Variants in ADCY2 observed in about 807,000 individuals in gnomAD.
ADCY2 encodes adenylate cyclase type 2.
A neutral mutation model predicts 125.2 loss-of-function variants in ADCY2; 31 were observed. The ratio of observed to expected loss-of-function variants is 0.25; its 90% CI spans 0.19 to 0.33. ADCY2 has a LOEUF of 0.33. ADCY2 is among the 10% of genes least tolerant of loss of function. The pLI is 1.00. For missense variants in ADCY2, 904 were observed against 1,418.2 expected (o/e 0.64, Z 5.82); for synonymous variants, 512 against 548.4 (o/e 0.93, Z 0.93).
chr5:7,430,287 G>A (rs1020016752), intron 2 of ADCY2, among the ~76,000 whole-genome samples: 9 of 151,838 alleles, frequency 5.9e-5, no homozygotes, highest in African/African-American at 2.2e-4. Context: ...TAAAGAATAA[G>A]TAATCTCAAT....
chr5:7,488,078 C>T (rs758433252), intron 2 of ADCY2, among the ~76,000 whole-genome samples: 3 of 152,046 alleles, frequency 2.0e-5, no homozygotes, highest in Non-Finnish European at 2.9e-5. Flanking sequence ...TGGCTGTGTC[C>T]CCACCCAAAT....
chr5:7,510,315 G>A (rs1744006942), intron 2 of ADCY2, among the ~76,000 whole-genome samples: 1 of 152,150 alleles, frequency 6.6e-6, no homozygotes, highest in South Asian at 2.1e-4. Flanking sequence ...GAACTGCATG[G>A]CAGAGCTGAA....
At chr5:7,612,068 A>C (rs1235189640) in intron 3 of ADCY2, among the ~76,000 whole-genome samples, 1 of 152,192 alleles carries the variant, frequency 6.6e-6, no homozygotes, top group Non-Finnish European at 1.5e-5. Flanking sequence ...CTCTTAATCG[A>C]ACGTTTTCTT....
intron 13 of ADCY2, among the ~76,000 whole-genome samples, chr5:7,726,607 C>T (rs1012533169): frequency 2.0e-5 from 3 of 152,130 alleles, no homozygotes; most frequent in African/African-American, 7.2e-5. Context: ...GAAGGGGATC[C>T]CATTGGCTAG....
At chr5:7,583,467 A>G (rs1189351467) in intron 3 of ADCY2, among the ~76,000 whole-genome samples, 1 of 152,086 alleles carries the variant, frequency 6.6e-6, no homozygotes, top group Non-Finnish European at 1.5e-5. Flanking sequence ...TAGCATAAGG[A>G]TCCACCAATA....
At chr5:7,599,989 C>A (rs1463613076) in intron 3 of ADCY2, among the ~76,000 whole-genome samples, 1 of 152,112 alleles carries the variant, frequency 6.6e-6, no homozygotes, top group African/African-American at 2.4e-5. Context: ...GGAGCATAGA[C>A]CACATTATCA....
chr5:7,466,579 A>G (rs1156408235), intron 2 of ADCY2, among the ~76,000 whole-genome samples: 1 of 152,128 alleles, frequency 6.6e-6, no homozygotes, highest in East Asian at 1.9e-4. Context: ...GTGCTATCCT[A>G]CCTCGCAATG....
intron 24 of ADCY2, among the ~76,000 whole-genome samples, chr5:7,821,037 T>G (rs1003757220): frequency 2.6e-5 from 4 of 152,142 alleles, no homozygotes; most frequent in African/African-American, 9.7e-5. Context: ...ACGAGAGGGA[T>G]CACATGCAAC....
At chr5:7,429,543 T>C (rs1335534993) in intron 2 of ADCY2, among the ~76,000 whole-genome samples, 1 of 152,208 alleles carries the variant, frequency 6.6e-6, no homozygotes, top group African/African-American at 2.4e-5. Flanking sequence ...TTTAAAAGGG[T>C]TGTTATGATA....
intron 3 of ADCY2, among the ~76,000 whole-genome samples, chr5:7,621,019 A>G (rs968781047): frequency 9.9e-5 from 15 of 152,210 alleles, no homozygotes; most frequent in African/African-American, 3.1e-4. Context: ...CCACCCCAAC[A>G]TGAGGTTAAG....
chr5:7,779,205 C>T (rs1463274475), intron 18 of ADCY2, among the ~76,000 whole-genome samples: 1 of 152,160 alleles, frequency 6.6e-6, no homozygotes, highest in African/African-American at 2.4e-5. Context: ...GCTTCTTTTC[C>T]TTCTATAAAG....
chr5:7,591,823 T>C (rs1736857464), intron 3 of ADCY2, among the ~76,000 whole-genome samples: 2 of 152,286 alleles, frequency 1.3e-5, no homozygotes, highest in South Asian at 4.1e-4. Context: ...GTAAAAATGG[T>C]GTTTCATTTT....
At chr5:7,689,513 C>A (rs1740636048) in intron 4 of ADCY2, among the ~76,000 whole-genome samples, 2 of 152,148 alleles carry the variant, frequency 1.3e-5, no homozygotes, top group Admixed American at 1.3e-4. Context: ...TGCCTTTGCC[C>A]TTGTCTTTCC....
chr5:7,692,317 C>CTAAA (rs1312096952), intron 5 of ADCY2: 1 of 152,128 alleles, frequency 6.6e-6, no homozygotes, highest in Non-Finnish European at 1.5e-5. Context: ...TTTAGATTAG[C>CTAAA]TATATAATAC....
intron 17 of ADCY2, 152 bp from the exon 18 acceptor site, chr5:7,772,780 C>A: frequency 3.2e-6 from 2 of 622,382 alleles, no homozygotes; most frequent in South Asian, 3.3e-5. Context: ...CAGGCATTTA[C>A]CACTGGATCA....
intron 2 of ADCY2, among the ~76,000 whole-genome samples, chr5:7,418,605 A>G (rs1004479331): frequency 1.4e-4 from 21 of 146,722 alleles, no homozygotes; most frequent in African/African-American, 5.3e-4. Flanking sequence ...TTCTATGGGA[A>G]TGGGGGTTTA....
intron 20 of ADCY2, chr5:7,796,667 T>TGAA (rs1260540259): frequency 3.9e-5 from 6 of 152,254 alleles, no homozygotes; most frequent in African/African-American, 7.2e-5. Context: ...TAAAACTTCC[T>TGAA]GAAGCTTCTC....
intron 3 of ADCY2, among the ~76,000 whole-genome samples, chr5:7,603,186 C>G (rs902953451): frequency 6.6e-6 from 1 of 152,212 alleles, no homozygotes; most frequent in African/African-American, 2.4e-5. Context: ...ACTTCATTCA[C>G]ATCTTGTTCC....
intron 20 of ADCY2, among the ~76,000 whole-genome samples, chr5:7,792,163 G>A (rs887690857): frequency 8.8e-5 from 13 of 146,980 alleles, no homozygotes; most frequent in Non-Finnish European, 1.5e-4. Context: ...CCTGAGGTCA[G>A]GAGTTCAAGA....
Sources: allele counts gnomAD v4.1 joint callset (sites outside exome capture counted in the v4.1 genomes callset), GRCh38; gene constraint gnomAD v4.1.1; transcripts MANE v1.5; gene names NCBI Gene and HGNC (gene_info 2026-07-23, HGNC 2026-07-21).